Variants in NKAIN3 observed in about 807,000 individuals in gnomAD.
The protein encoded by NKAIN3 is sodium/potassium transporting ATPase interacting 3.
NKAIN3 carries 25 observed loss-of-function variants against 30.2 expected under a neutral mutation model. That is an observed-to-expected ratio of 0.83 (90% CI 0.60 to 1.16). NKAIN3 has a LOEUF of 1.16. Among genes scored for constraint, NKAIN3 ranks in the 50% most tolerant of loss-of-function variants. The pLI is 0.00. For synonymous variants in NKAIN3, 91 were observed against 89.6 expected (o/e 1.02, Z -0.09); for missense variants, 225 against 254.1 (o/e 0.89, Z 0.78).
intron 4 of NKAIN3, among the ~76,000 whole-genome samples, chr8:62,850,243 TA>T (rs1819849516): frequency 6.6e-6 from 1 of 152,198 alleles, no homozygotes. Flanking sequence ...TTTGGCTGCA[TA>T]AATGTCTTAT....
intron 1 of NKAIN3, among the ~76,000 whole-genome samples, chr8:62,466,569 G>C (rs1376893140): frequency 6.6e-6 from 1 of 152,116 alleles, no homozygotes; most frequent in African/African-American, 2.4e-5. Context: ...GGCAAGGAGA[G>C]TTGTGTTTAA....
At chr8:62,730,052 T>A (rs932996897) in intron 3 of NKAIN3, among the ~76,000 whole-genome samples, 5 of 152,234 alleles carry the variant, frequency 3.3e-5, no homozygotes, top group African/African-American at 1.2e-4. Flanking sequence ...CCAAGTTTGA[T>A]CACTTACCAC....
At chr8:62,348,546 T>G (rs1816081533) in intron 1 of NKAIN3, among the ~76,000 whole-genome samples, 1 of 152,158 alleles carries the variant, frequency 6.6e-6, no homozygotes, top group Admixed American at 6.6e-5. Flanking sequence ...TGAGACCCAG[T>G]TGTGTTTTCT....
At chr8:62,901,112 A>G (rs1245445163) in intron 4 of NKAIN3, among the ~76,000 whole-genome samples, 1 of 152,198 alleles carries the variant, frequency 6.6e-6, no homozygotes, top group Non-Finnish European at 1.5e-5. Flanking sequence ...TAGGAGCACA[A>G]TACAGGAAAA....
At chr8:62,509,378 C>T (rs760137462) in intron 1 of NKAIN3, among the ~76,000 whole-genome samples, 1 of 152,174 alleles carries the variant, frequency 6.6e-6, no homozygotes, top group Non-Finnish European at 1.5e-5. Flanking sequence ...GCAAGATATG[C>T]AGCCCTAGTT....
chr8:62,344,784 T>C, intron 1 of NKAIN3: 1 of 392,358 alleles, frequency 2.5e-6, no homozygotes, highest in Middle Eastern at 3.6e-4. Flanking sequence ...AACTAAGAAA[T>C]TTAGAGTCTT....
At chr8:62,903,470 T>G (rs1821672000) in intron 4 of NKAIN3, among the ~76,000 whole-genome samples, 1 of 152,072 alleles carries the variant, frequency 6.6e-6, no homozygotes, top group African/African-American at 2.4e-5. Context: ...GAGCCTAGAC[T>G]TCTGTTCTGC....
intron 5 of NKAIN3, among the ~76,000 whole-genome samples, chr8:62,941,092 A>G (rs893502598): frequency 6.6e-6 from 1 of 151,952 alleles, no homozygotes; most frequent in Non-Finnish European, 1.5e-5. Flanking sequence ...AATAACACAG[A>G]CAAAGATTAT....
At chr8:62,477,391 G>T (rs1203408115) in intron 1 of NKAIN3, among the ~76,000 whole-genome samples, 1 of 152,164 alleles carries the variant, frequency 6.6e-6, no homozygotes, top group Non-Finnish European at 1.5e-5. Flanking sequence ...AGTACTGTAG[G>T]CTTTCCCTGT....
chr8:62,857,233 G>T (rs536397787), intron 4 of NKAIN3: 16 of 209,426 alleles, frequency 7.6e-5, no homozygotes, highest in Non-Finnish European at 1.3e-4. Context: ...GCTTCCCTTT[G>T]TAGGTGACCT....
chr8:62,814,368 G>C (rs1414078637), intron 4 of NKAIN3, among the ~76,000 whole-genome samples: 1 of 150,300 alleles, frequency 6.7e-6, no homozygotes, highest in Non-Finnish European at 1.5e-5. Flanking sequence ...TTAACAATTT[G>C]GTTATTTCAG....
At chr8:62,448,774 T>C (rs1805558173) in intron 1 of NKAIN3, among the ~76,000 whole-genome samples, 1 of 151,918 alleles carries the variant, frequency 6.6e-6, no homozygotes, top group African/African-American at 2.4e-5. Flanking sequence ...TGAGCTTAAG[T>C]CTAGATCAAA....
At chr8:62,899,255 G>A (rs114823091) in intron 4 of NKAIN3, among the ~76,000 whole-genome samples, 212 of 152,158 alleles carry the variant, frequency 1.4e-3, no homozygotes, top group African/African-American at 4.9e-3. Context: ...AAAGGAAATT[G>A]GTATATCATA....
In NKAIN3 at chr8:62,977,424, AT is replaced by A. The variant is rs1823967639; in HGVS notation, c.*12018del. On this transcript the variant is annotated 3_prime_UTR_variant, in exon 7 of 7. Coordinates refer to ENST00000623646, the MANE Select transcript of NKAIN3 (RefSeq NM_001304533.3). The stretch of plus-strand genomic sequence containing the variant: ...ATTTTTTTCTTCTAATCTTGTCTTC[AT>A]GCTTTATTTCCTTAAGTTGATCTTC... 6.6e-6 allele frequency among the ~76,000 whole-genome samples: 1 copy of A among 151,578 alleles called. No individual in the cohort carries two copies.
intron 1 of NKAIN3, among the ~76,000 whole-genome samples, chr8:62,416,319 C>G (rs1420531515): frequency 6.6e-6 from 1 of 152,092 alleles, no homozygotes; most frequent in East Asian, 1.9e-4. Flanking sequence ...TGAAGAAGCC[C>G]TAGATGTTTT....
intron 3 of NKAIN3, among the ~76,000 whole-genome samples, chr8:62,727,891 A>G (rs1196121145): frequency 6.6e-6 from 1 of 152,210 alleles, no homozygotes; most frequent in Non-Finnish European, 1.5e-5. Flanking sequence ...TGTAATTTAT[A>G]TACTATAAAA....
chr8:62,481,010 A>G (rs1044701391), intron 1 of NKAIN3, among the ~76,000 whole-genome samples: 1 of 152,162 alleles, frequency 6.6e-6, no homozygotes, highest in African/African-American at 2.4e-5. Flanking sequence ...ACTATAAGAT[A>G]AGATAGCCAA....
intron 3 of NKAIN3, among the ~76,000 whole-genome samples, chr8:62,672,335 C>T (rs1813330059): frequency 6.6e-6 from 1 of 152,186 alleles, no homozygotes; most frequent in African/African-American, 2.4e-5. Flanking sequence ...ATGTTGGCCT[C>T]ATGAGTGCCC....
chr8:62,863,031 A>C (rs1820301813), intron 4 of NKAIN3: 1 of 701,908 alleles, frequency 1.4e-6, no homozygotes, highest in Non-Finnish European at 2.5e-6. Context: ...ACATGCAAGG[A>C]TGTGACTATG....
Sources: allele counts gnomAD v4.1 joint callset (sites outside exome capture counted in the v4.1 genomes callset), GRCh38; gene constraint gnomAD v4.1.1; transcripts MANE v1.5; gene names NCBI Gene and HGNC (gene_info 2026-07-23, HGNC 2026-07-21).